ATIC: variants seen among roughly 807,000 people sequenced by gnomAD.
ATIC encodes the protein bifunctional purine biosynthesis protein ATIC.
A neutral mutation model predicts 72.5 loss-of-function variants in ATIC; 64 were observed. The ratio of observed to expected loss-of-function variants is 0.88; its 90% CI spans 0.72 to 1.09. ATIC has a LOEUF of 1.09. ATIC is among the 50% of genes least tolerant of loss of function. The pLI is 0.00. For missense variants in ATIC, 787 were observed against 732.4 expected (o/e 1.07, Z -0.86); for synonymous variants, 281 against 267.1 (o/e 1.05, Z -0.51).
At position 215,336,164 on chromosome 2, in the gene ATIC, T is replaced by C. The variant is rs762764554; in HGVS notation, c.1098+40T>C. ...TGTTTGAAGCGGTAATTTGCTCTTTTATTCTGTGTCTCTTTCTCCCTTGTT... is the reference window on the plus strand; with the variant it reads ...TGTTTGAAGCGGTAATTTGCTCTTTCATTCTGTGTCTCTTTCTCCCTTGTT... On this transcript the variant is annotated intron_variant, in intron 11 of 15. Transcript: ENST00000236959. 3 of 1,437,420 alleles carry C rather than the reference T, an allele frequency of 2.1e-6. No individual in the cohort carries two copies. In the African/African-American group the frequency reaches 4.2e-5, roughly 20 times the overall value. 89.0% of individuals were successfully genotyped at this position (1,437,420 alleles called of 1,614,324 possible). A position where few individuals can be genotyped will look rare whatever the true frequency, so the allele number is the denominator to read the frequency against.
chr2:215,320,680 A>G (rs544220286), intron 4 of ATIC, among the ~76,000 whole-genome samples: 26 of 152,252 alleles, frequency 1.7e-4, no homozygotes, highest in African/African-American at 6.0e-4. Flanking sequence ...CCTGTGTTCA[A>G]GTGATTCTCC....
intron 4 of ATIC, among the ~76,000 whole-genome samples, chr2:215,320,505 C>T (rs2052755066): frequency 6.6e-6 from 1 of 152,114 alleles, no homozygotes. Context: ...CTGGCATATC[C>T]CATGAGAGAA....
chr2:215,313,342 A>G (rs748312558), intron 2 of ATIC, among the ~76,000 whole-genome samples: 2 of 152,208 alleles, frequency 1.3e-5, no homozygotes, highest in African/African-American at 4.8e-5. Context: ...TCTGGTAACC[A>G]TATGAAGGTG....
chr2:215,344,665 C>CAA, intron 12 of ATIC, 114 bp from the exon 13 acceptor site: 1 of 984,202 alleles, frequency 1.0e-6, no homozygotes, highest in Non-Finnish European at 1.5e-6. Flanking sequence ...GCCTGGGAGA[C>CAA]AGAGTGAGAC....
chr2:215,346,984 G>C, intron 14 of ATIC, 43 bp downstream of exon 14: 1 of 1,601,296 alleles, frequency 6.2e-7, no homozygotes, highest in South Asian at 1.1e-5. Context: ...TTAATATTCA[G>C]TTCAACCCTT....
At chr2:215,320,930 CATT>C (rs1292100177) in intron 4 of ATIC, among the ~76,000 whole-genome samples, 2 of 152,120 alleles carry the variant, frequency 1.3e-5, no homozygotes, top group African/African-American at 4.8e-5. Flanking sequence ...AGTGAGGACT[CATT>C]ATGGGGAGGG....
intron 12 of ATIC, among the ~76,000 whole-genome samples, chr2:215,344,048 C>G (rs964448299): frequency 6.6e-6 from 1 of 152,178 alleles, no homozygotes; most frequent in Non-Finnish European, 1.5e-5. Flanking sequence ...TGTCTGTGTG[C>G]ATCATAACGA....
chr2:215,342,522 AC>A (rs1391732274), intron 12 of ATIC, among the ~76,000 whole-genome samples: 4 of 152,136 alleles, frequency 2.6e-5, no homozygotes, highest in African/African-American at 9.7e-5. Context: ...GGCATTTCCA[AC>A]ACTGCAGTGA....
At position 215,317,154 on chromosome 2, in the gene ATIC, A is replaced by G. The variant is rs1033292905; in HGVS notation, c.147-1003A>G. On this transcript the variant is annotated intron_variant, in intron 2 of 15. Transcript: ENST00000236959. Reference sequence around the variant, plus strand: ...AGAGTGTTCGTGGTTACGACTTTCTAGGGGTCTGCTTTGTGATATGGATTA... The same window carrying G: ...AGAGTGTTCGTGGTTACGACTTTCTGGGGGTCTGCTTTGTGATATGGATTA... Among the ~76,000 whole-genome samples, 5 of 152,196 alleles carry G rather than the reference A, an allele frequency of 3.3e-5. 1 individual carries two copies. Among genetic ancestry groups the G allele is most frequent in the Admixed American group, 2.6e-4 (4 of 15,272 alleles).
the ATIC span, among the ~76,000 whole-genome samples, chr2:215,359,553 G>A: frequency 6.6e-6 from 1 of 152,020 alleles, no homozygotes; most frequent in African/African-American, 2.4e-5. Context: ...GGTGACTATT[G>A]GGCTGATAAA....
chr2:215,348,516 T>C, intron 14 of ATIC, among the ~76,000 whole-genome samples: 1 of 152,170 alleles, frequency 6.6e-6, no homozygotes, highest in East Asian at 1.9e-4. Context: ...ATTACATATG[T>C]ACTTGGAATA....
chr2:215,358,611 G>A, the ATIC span, among the ~76,000 whole-genome samples: 1 of 152,144 alleles, frequency 6.6e-6, no homozygotes, highest in Non-Finnish European at 1.5e-5. Context: ...TATGCTATTT[G>A]CTGAGAAATG....
the ATIC span, chr2:215,361,851 T>C: frequency 2.1e-6 from 3 of 1,399,942 alleles, no homozygotes; most frequent in South Asian, 1.3e-5. Flanking sequence ...ACTTAAGTCA[T>C]TTATGAGTTG....
At chr2:215,329,534 T>C (rs779482414) in intron 7 of ATIC, among the ~76,000 whole-genome samples, 3 of 152,128 alleles carry the variant, frequency 2.0e-5, no homozygotes, top group Admixed American at 6.6e-5. Context: ...TATTACAGAG[T>C]GTATGGTTGC....
At chr2:215,365,314 G>A in the ATIC span, among the ~76,000 whole-genome samples, 29 of 152,280 alleles carry the variant, frequency 1.9e-4, no homozygotes, top group African/African-American at 6.3e-4. Context: ...AAAGTGTCCT[G>A]TAATAACATT....
the ATIC span, among the ~76,000 whole-genome samples, chr2:215,356,222 C>A: frequency 3.3e-5 from 5 of 152,146 alleles, no homozygotes; most frequent in Non-Finnish European, 5.9e-5. Context: ...GCTGATTATT[C>A]TTTTCATAAT....
chr2:215,331,008 A>C (rs578121923), intron 7 of ATIC, among the ~76,000 whole-genome samples: 1 of 152,328 alleles, frequency 6.6e-6, no homozygotes, highest in South Asian at 2.1e-4. Context: ...TTCACTGTGT[A>C]TGAATGTACC....
chr2:215,327,080 C>T (rs536847446), intron 7 of ATIC, 102 bp downstream of exon 7: 52 of 1,553,510 alleles, frequency 3.3e-5, no homozygotes, highest in South Asian at 4.5e-5. Flanking sequence ...TGATACATTC[C>T]GTAATGCCTC....
At chr2:215,361,548 A>G in the ATIC span, 1 of 1,592,102 alleles carries the variant, frequency 6.3e-7, no homozygotes, top group African/African-American at 1.3e-5. Flanking sequence ...TGGATTGGAA[A>G]GATGATTTAC....
Sources: allele counts gnomAD v4.1 joint callset (sites outside exome capture counted in the v4.1 genomes callset), GRCh38; gene constraint gnomAD v4.1.1; transcripts MANE v1.5; gene names NCBI Gene and HGNC (gene_info 2026-07-23, HGNC 2026-07-21).